Variants in GAS7 observed in about 807,000 individuals in gnomAD.
The protein encoded by GAS7 is growth arrest specific 7.
Under a neutral mutation model 71.1 loss-of-function variants are expected in GAS7, and 28 were observed. The ratio of observed to expected loss-of-function variants is 0.39; its 90% CI spans 0.29 to 0.54. The LOEUF (loss-of-function observed/expected upper bound fraction) is 0.54, where lower values mean the gene tolerates loss of function less well. Ranked by LOEUF, GAS7 falls within the 20% of genes least tolerant of loss-of-function variation. The pLI, the probability that GAS7 is intolerant of heterozygous loss-of-function variation, is 0.62. For synonymous variants in GAS7, 258 were observed against 245.8 expected (o/e 1.05, Z -0.46); for missense variants, 436 against 627.8 (o/e 0.69, Z 3.27).
At position 10,016,384 on chromosome 17, in the gene GAS7, CAAAAAAAA is replaced by C. The variant is rs1217937101; in HGVS notation, c.304+3385_304+3392del. On this transcript the variant is annotated intron_variant, in intron 2 of 13. Transcript: ENST00000432992. ...TGGGTGAAAGAGCGAGACTCCGTCTCAAAAAAAAAAAAAAAAAAAGAGTTAAACAAGTA... is the reference window on the plus strand; with the variant it reads ...TGGGTGAAAGAGCGAGACTCCGTCTCAAAAAAAAAAAGAGTTAAACAAGTA... Among the ~76,000 whole-genome samples, 3 of 71,424 alleles carry C rather than the reference CAAAAAAAA, an allele frequency of 4.2e-5. No individual in the cohort carries two copies. In the East Asian group the frequency reaches 1.2e-3, roughly 29 times the overall value. 46.9% of individuals were successfully genotyped at this position (71,424 alleles called of 152,430 possible).
At position 9,911,248 on chromosome 17, in the gene GAS7, G is replaced by A. The variant is rs966734417; in HGVS notation, c.*5980C>T. The A allele has an allele frequency of 1.3e-5, 3 of 233,338 alleles. No individual in the cohort carries two copies. The highest frequency in any genetic ancestry group is 1.3e-3 in the Middle Eastern group (1 of 786). 14.5% of individuals were successfully genotyped at this position (233,338 alleles called of 1,614,324 possible). A position where few individuals can be genotyped will look rare whatever the true frequency, so the allele number is the denominator to read the frequency against. On this transcript the variant is annotated 3_prime_UTR_variant, in exon 14 of 14. Coordinates refer to ENST00000432992, the MANE Select transcript of GAS7 (RefSeq NM_201433.2). The surrounding 1 kb of genome is among the most constrained non-coding windows in gnomAD (Gnocchi z 4.0). ...TGACAGATGAGTGCACGGAGGTCCC[G>A]ACAGGGGATGTGACTTAACTTCAGG...
chr17:10,011,206 C>T (rs73272731), intron 2 of GAS7, among the ~76,000 whole-genome samples: 14,867 of 152,238 alleles, frequency 0.098, 829 homozygotes, highest in African/African-American at 0.15. Flanking sequence ...ATAGTTCCAT[C>T]AACAGCCACC....
At chr17:10,098,519 A>G (rs16959301) in intron 1 of GAS7, among the ~76,000 whole-genome samples, 4,716 of 152,278 alleles carry the variant, frequency 0.031, 220 homozygotes, top group African/African-American at 0.11. Context: ...GGTGGGTCAG[A>G]CCTTCTTGTC....
intron 1 of GAS7, among the ~76,000 whole-genome samples, chr17:10,085,687 G>A (rs1386457086): frequency 1.1e-4 from 7 of 62,934 alleles, no homozygotes; most frequent in African/African-American, 3.8e-4. Context: ...GCGAGATTCC[G>A]TCTCAAAAAA....
intron 1 of GAS7, among the ~76,000 whole-genome samples, chr17:10,097,049 T>G (rs962022268): frequency 2.6e-5 from 4 of 152,242 alleles, no homozygotes; most frequent in African/African-American, 9.6e-5. Context: ...CCTTATTTAA[T>G]TCCCAAGCAT....
Position 10,168,799 on chromosome 17 carries a change from C to T in GAS7, c.183+29409G>A, listed in dbSNP as rs1253314444. ...CAGCCTGGCCAACATGGTGAAACAC[C>T]ATCTCTACTAAAAATACAAAATTAG... On this transcript the variant is annotated intron_variant, in intron 1 of 13. Coordinates refer to ENST00000432992, the MANE Select transcript of GAS7 (RefSeq NM_201433.2). 7.0e-5 allele frequency among the ~76,000 whole-genome samples: 10 copies of T among 142,090 alleles called. No individual in the cohort carries two copies. In the East Asian group the frequency reaches 8.6e-4, roughly 12 times the overall value. 93.2% of individuals were successfully genotyped at this position (142,090 alleles called of 152,430 possible).
chr17:10,174,661 C>T (rs1162322708), intron 1 of GAS7, among the ~76,000 whole-genome samples: 3 of 151,846 alleles, frequency 2.0e-5, no homozygotes, highest in African/African-American at 4.8e-5. Flanking sequence ...CACTGCACTC[C>T]AGCCTGGGCG....
At chr17:10,018,179 G>C (rs915376456) in intron 2 of GAS7, among the ~76,000 whole-genome samples, 5 of 152,128 alleles carry the variant, frequency 3.3e-5, no homozygotes, top group African/African-American at 1.2e-4. Context: ...TGTTTAAAAG[G>C]TGAGACCGGG....
intron 1 of GAS7, among the ~76,000 whole-genome samples, chr17:10,158,344 A>AAAAAAAAAAAAC (rs1567614068): frequency 1.5e-4 from 22 of 146,928 alleles, no homozygotes; most frequent in African/African-American, 5.3e-4. Flanking sequence ...GGTAAAAAAA[A>AAAAAAAAAAAAC]AAAAAAAAAA....
chr17:10,082,643 G>A (rs1001539620), intron 1 of GAS7, among the ~76,000 whole-genome samples: 1 of 152,152 alleles, frequency 6.6e-6, no homozygotes, highest in Non-Finnish European at 1.5e-5. Flanking sequence ...TCACTCCTAC[G>A]TACTTATGCC....
chr17:10,188,418 C>G (rs943855966), intron 1 of GAS7, among the ~76,000 whole-genome samples: 1 of 152,138 alleles, frequency 6.6e-6, no homozygotes, highest in African/African-American at 2.4e-5. Flanking sequence ...TACAGCTTGC[C>G]TGATATATCA....
intron 1 of GAS7, among the ~76,000 whole-genome samples, chr17:10,051,891 A>T (rs570286540): frequency 1.4e-4 from 22 of 152,298 alleles, no homozygotes; most frequent in African/African-American, 5.1e-4. Context: ...CCCAAATCAC[A>T]TTCACTGCCT....
At chr17:10,187,288 G>C (rs1168297916) in intron 1 of GAS7, among the ~76,000 whole-genome samples, 1 of 152,106 alleles carries the variant, frequency 6.6e-6, no homozygotes, top group African/African-American at 2.4e-5. Flanking sequence ...ACTCACAATA[G>C]ACTTACAACA....
At chr17:10,028,348 G>A (rs1472396550) in intron 1 of GAS7, among the ~76,000 whole-genome samples, 4 of 152,126 alleles carry the variant, frequency 2.6e-5, no homozygotes, top group Non-Finnish European at 5.9e-5. Flanking sequence ...CACTCCAGCC[G>A]ACAGAGTGAG....
intron 2 of GAS7, among the ~76,000 whole-genome samples, 166 bp downstream of exon 2, chr17:10,019,611 C>T (rs1035318131): frequency 2.0e-5 from 3 of 152,160 alleles, no homozygotes; most frequent in African/African-American, 4.8e-5. Flanking sequence ...GCACCCCTAC[C>T]ACCCAGCACA....
intron 1 of GAS7, among the ~76,000 whole-genome samples, chr17:10,088,567 C>T (rs1222815605): frequency 1.3e-5 from 2 of 152,168 alleles, no homozygotes; most frequent in African/African-American, 4.8e-5. Flanking sequence ...AATTGCCAAG[C>T]ATCTTTTTAC....
chr17:9,925,432 C>T, intron 11 of GAS7, 44 bp downstream of exon 11: 1 of 1,224,276 alleles, frequency 8.2e-7, no homozygotes, highest in Non-Finnish European at 1.1e-6. Context: ...GTGCCCTCTC[C>T]TTCTGTGTGC....
intron 1 of GAS7, among the ~76,000 whole-genome samples, chr17:10,196,520 C>T (rs1159094688): frequency 6.6e-6 from 1 of 152,202 alleles, no homozygotes; most frequent in Non-Finnish European, 1.5e-5. Context: ...GGGACAGACA[C>T]ACCCAAAACT....
At chr17:10,039,461 C>T (rs911571666) in intron 1 of GAS7, among the ~76,000 whole-genome samples, 7 of 152,022 alleles carry the variant, frequency 4.6e-5, no homozygotes, top group African/African-American at 1.7e-4. Context: ...GTAGGTGGAT[C>T]ATTTGAGGTC....
Sources: gnomAD v4.1 joint callset for allele counts (sites outside exome capture counted in the v4.1 genomes callset) on GRCh38, gnomAD v4.1.1 for gene constraint, Gnocchi (gnomAD v3.1) non-coding constraint, MANE v1.5 for transcripts, NCBI Gene and HGNC (gene_info 2026-07-23, HGNC 2026-07-21) for gene names.